SLC25A26: variants seen among roughly 807,000 people sequenced by gnomAD.
SLC25A26 encodes mitochondrial S-adenosylmethionine carrier protein.
A neutral mutation model predicts 37.8 loss-of-function variants in SLC25A26; 36 were observed. That is an observed-to-expected ratio of 0.95 (90% CI 0.73 to 1.26). The LOEUF (loss-of-function observed/expected upper bound fraction) is 1.26. SLC25A26 is among the 50% of genes most tolerant of loss of function. SLC25A26 has a pLI of 0.00. For synonymous variants in SLC25A26, 129 were observed against 122.5 expected (o/e 1.05, Z -0.35); for missense variants, 390 against 331.1 (o/e 1.18, Z -1.38).
At chr3:66,359,122 ACT>A (rs1300194471) in intron 6 of SLC25A26, among the ~76,000 whole-genome samples, 6 of 152,184 alleles carry the variant, frequency 3.9e-5, no homozygotes, top group Non-Finnish European at 8.8e-5. Flanking sequence ...GGAAAGTTAG[ACT>A]TATCTGTGGA....
intron 3 of SLC25A26, among the ~76,000 whole-genome samples, chr3:66,251,282 C>A (rs888759023): frequency 6.6e-6 from 1 of 152,044 alleles, no homozygotes; most frequent in African/African-American, 2.4e-5. Flanking sequence ...TTAAAGGAAT[C>A]CCCAGGAGAG....
intron 5 of SLC25A26, among the ~76,000 whole-genome samples, chr3:66,294,579 G>C (rs2074832550): frequency 6.6e-6 from 1 of 152,100 alleles, no homozygotes; most frequent in African/African-American, 2.4e-5. Flanking sequence ...AAGTTAGAGG[G>C]AGAAAATAAA....
chr3:66,375,397 G>T (rs1207592277), intron 9 of SLC25A26, among the ~76,000 whole-genome samples: 1 of 152,184 alleles, frequency 6.6e-6, no homozygotes, highest in Non-Finnish European at 1.5e-5. Context: ...AACAGCCTTC[G>T]ATTAGAAGAA....
intron 5 of SLC25A26, among the ~76,000 whole-genome samples, chr3:66,286,238 A>G (rs939295966): frequency 1.3e-5 from 2 of 152,148 alleles, no homozygotes; most frequent in Non-Finnish European, 2.9e-5. Flanking sequence ...TATGAATTGT[A>G]CTTTGGATGT....
At chr3:66,134,916 T>C (rs1315962156) in intron 1 of SLC25A26, among the ~76,000 whole-genome samples, 1 of 152,090 alleles carries the variant, frequency 6.6e-6, no homozygotes, top group East Asian at 1.9e-4. Flanking sequence ...CTGCAACTTC[T>C]GCCTCCCAGG....
At chr3:66,323,867 G>A (rs2075763337) in intron 5 of SLC25A26, 1 of 152,170 alleles carries the variant, frequency 6.6e-6, no homozygotes, top group Admixed American at 6.5e-5. Flanking sequence ...TGGGTGTGGT[G>A]GTGTGCGCCA....
intron 5 of SLC25A26, among the ~76,000 whole-genome samples, chr3:66,331,375 T>C (rs1575576685): frequency 6.6e-6 from 1 of 152,220 alleles, no homozygotes; most frequent in African/African-American, 2.4e-5. Flanking sequence ...TATACTGTTT[T>C]CATAAAGCAT....
intron 5 of SLC25A26, among the ~76,000 whole-genome samples, chr3:66,332,789 C>T (rs2076007672): frequency 6.6e-6 from 1 of 152,154 alleles, no homozygotes; most frequent in South Asian, 2.1e-4. Context: ...AAAGCAGGTT[C>T]AGGCACAGAC....
At chr3:66,191,941 C>T (rs1034483166) in intron 1 of SLC25A26, among the ~76,000 whole-genome samples, 1 of 151,622 alleles carries the variant, frequency 6.6e-6, no homozygotes, top group Admixed American at 6.6e-5. Flanking sequence ...ATTCTAACCC[C>T]CAATCTGATG....
In SLC25A26 at chr3:66,370,483, T is replaced by G. The variant is rs774109420; in HGVS notation, c.634-46T>G. On this transcript the variant is annotated intron_variant, in intron 8 of 9. Transcript: ENST00000354883. ...GATATCTGAGAGGCAAGTGTGTGAT[T>G]GGGAGCTTCAGAAGATAACGGGTTT... The G allele has an allele frequency of 1.8e-5, 27 of 1,492,618 alleles. No individual in the cohort carries two copies. The South Asian group carries it at 2.7e-4, about 15-fold the overall frequency. 92.5% of individuals were successfully genotyped at this position (1,492,618 alleles called of 1,614,324 possible). A position where few individuals can be genotyped will look rare whatever the true frequency, so the allele number is the denominator to read the frequency against.
chr3:66,196,128 TTAA>T (rs1338205567), intron 1 of SLC25A26, among the ~76,000 whole-genome samples: 39,200 of 151,242 alleles, frequency 0.26, 5,430 homozygotes, highest in Admixed American at 0.38. Flanking sequence ...ATTACTATCT[TTAA>T]GTAAGTAATC....
intron 1 of SLC25A26, among the ~76,000 whole-genome samples, chr3:66,164,636 G>A (rs534312101): frequency 1.8e-4 from 27 of 152,258 alleles, no homozygotes; most frequent in Middle Eastern, 3.4e-3. Context: ...GGGCCACATA[G>A]CAAATATTTT....
chr3:66,182,961 G>A (rs371540039), intron 1 of SLC25A26, among the ~76,000 whole-genome samples: 2 of 152,158 alleles, frequency 1.3e-5, no homozygotes, highest in East Asian at 3.9e-4. Flanking sequence ...AGGACCTAAA[G>A]TAGTAGGTTG....
At position 66,293,551 on chromosome 3, in the gene SLC25A26, G is replaced by A. The variant is rs376894068; in HGVS notation, c.453+30172G>A. Reference sequence around the variant, plus strand: ...CCTCTCCCTCCTCCCAGCCTCCACCGTCCGATAGGCTGCAGTGTCTCTTAT... The same window carrying A: ...CCTCTCCCTCCTCCCAGCCTCCACCATCCGATAGGCTGCAGTGTCTCTTAT... On this transcript the variant is annotated intron_variant, in intron 5 of 9. Transcript: ENST00000354883. Among the ~76,000 whole-genome samples, 51 of 149,738 alleles carry A rather than the reference G, an allele frequency of 3.4e-4. No individual in the cohort carries two copies. The South Asian group carries it at 6.8e-3, about 20-fold the overall frequency.
At chr3:66,140,329 G>C (rs2070015501) in intron 1 of SLC25A26, among the ~76,000 whole-genome samples, 1 of 152,178 alleles carries the variant, frequency 6.6e-6, no homozygotes, top group African/African-American at 2.4e-5. Flanking sequence ...TGCTCATCCT[G>C]TGAGCCCTGA....
intron 5 of SLC25A26, among the ~76,000 whole-genome samples, chr3:66,338,886 A>G (rs1350766980): frequency 1.3e-5 from 2 of 152,010 alleles, no homozygotes; most frequent in African/African-American, 4.8e-5. Context: ...GAGTTTATCC[A>G]TAGTGTGGCA....
At chr3:66,206,474 G>C (rs1271084063) in intron 1 of SLC25A26, among the ~76,000 whole-genome samples, 1 of 152,128 alleles carries the variant, frequency 6.6e-6, no homozygotes, top group African/African-American at 2.4e-5. Flanking sequence ...AAAATCTGTA[G>C]CACATTCACA....
At chr3:66,155,219 G>A (rs2070264884) in intron 1 of SLC25A26, among the ~76,000 whole-genome samples, 1 of 152,186 alleles carries the variant, frequency 6.6e-6, no homozygotes, top group African/African-American at 2.4e-5. Context: ...ATGAATGAGT[G>A]AAATATGTGG....
Position 66,236,716 on chromosome 3 carries a change from C to G in SLC25A26, c.190+16C>G. ...TTTCCTAATGGTAAAAAATTATATT[C>G]TCACTTCTGTAAAGCCAAGATAAGA... On this transcript the variant is annotated intron_variant, in intron 2 of 9. Coordinates refer to ENST00000354883, the MANE Select transcript of SLC25A26 (RefSeq NM_001379210.1). The G allele has an allele frequency of 6.7e-7, 1 of 1,491,318 alleles. No individual in the cohort carries two copies. 92.4% of individuals were successfully genotyped at this position (1,491,318 alleles called of 1,614,324 possible). A position where few individuals can be genotyped will look rare whatever the true frequency, so the allele number is the denominator to read the frequency against.
Sources: allele counts gnomAD v4.1 joint callset (sites outside exome capture counted in the v4.1 genomes callset), GRCh38; gene constraint gnomAD v4.1.1; transcripts MANE v1.5; gene names NCBI Gene and HGNC (gene_info 2026-07-23, HGNC 2026-07-21).